Variants in SH3D19 observed in about 807,000 individuals in gnomAD.
SH3D19 encodes SH3 domain-containing protein 19.
SH3D19 carries 58 observed loss-of-function variants against 112.1 expected under a neutral mutation model. The ratio of observed to expected loss-of-function variants is 0.52; its 90% CI spans 0.42 to 0.64. The LOEUF (loss-of-function observed/expected upper bound fraction) is 0.64, where lower values mean the gene tolerates loss of function less well. SH3D19 is among the 30% of genes least tolerant of loss of function. The pLI, the probability that SH3D19 is intolerant of heterozygous loss-of-function variation, is 0.00. For missense variants in SH3D19, 1,090 were observed against 1,263.4 expected (o/e 0.86, Z 2.08); for synonymous variants, 391 against 448.5 (o/e 0.87, Z 1.62).
At chr4:151,168,399 CTTT>C (rs35899876) in intron 7 of SH3D19, among the ~76,000 whole-genome samples, 1 of 45,388 alleles carries the variant, frequency 2.2e-5, no homozygotes, top group African/African-American at 4.0e-5. Flanking sequence ...AGTAGCATTT[CTTT>C]TTTTTTTTTT....
chr4:151,163,852 G>A (rs557836516), intron 8 of SH3D19, among the ~76,000 whole-genome samples: 73 of 152,048 alleles, frequency 4.8e-4, no homozygotes, highest in Middle Eastern at 3.4e-3. Context: ...CAAAGTGCAG[G>A]GATTACAGGT....
intron 1 of SH3D19, among the ~76,000 whole-genome samples, chr4:151,307,213 G>A (rs1231344857): frequency 5.9e-5 from 9 of 151,462 alleles, no homozygotes; most frequent in Non-Finnish European, 1.2e-4. Context: ...TAGTAGAGAC[G>A]GGGTTTCACC....
chr4:151,196,912 C>T (rs1038123903), intron 2 of SH3D19, among the ~76,000 whole-genome samples: 4 of 152,118 alleles, frequency 2.6e-5, no homozygotes, highest in African/African-American at 7.2e-5. Flanking sequence ...CATTAATTAT[C>T]AGAGAAATGC....
intron 1 of SH3D19, among the ~76,000 whole-genome samples, chr4:151,316,096 A>G (rs551865009): frequency 2.0e-5 from 3 of 152,306 alleles, no homozygotes; most frequent in Non-Finnish European, 4.4e-5. Context: ...AATCAAGGTC[A>G]GTAGAAAAGT....
intron 1 of SH3D19, among the ~76,000 whole-genome samples, chr4:151,286,699 G>T (rs1406801076): frequency 6.6e-6 from 1 of 151,422 alleles, no homozygotes; most frequent in Non-Finnish European, 1.5e-5. Context: ...CCCAATTCTG[G>T]CCACAGGCAG....
At chr4:151,148,291 A>T in intron 10 of SH3D19, 105 bp from the exon 11 acceptor site, 1 of 1,115,524 alleles carries the variant, frequency 9.0e-7, no homozygotes, top group Non-Finnish European at 1.3e-6. Flanking sequence ...ACACACACAG[A>T]GACACAGCTT....
At chr4:151,271,556 C>G in intron 1 of SH3D19, among the ~76,000 whole-genome samples, 1 of 152,126 alleles carries the variant, frequency 6.6e-6, no homozygotes, top group East Asian at 1.9e-4. Flanking sequence ...ATTAGGGATG[C>G]TGCTTAATAT....
intron 1 of SH3D19, among the ~76,000 whole-genome samples, chr4:151,311,201 C>T (rs1729428434): frequency 6.7e-6 from 1 of 150,298 alleles, no homozygotes; most frequent in African/African-American, 2.5e-5. Context: ...CCAGCCTGGG[C>T]AACACAGTGA....
intron 2 of SH3D19, among the ~76,000 whole-genome samples, chr4:151,215,213 C>A (rs566172809): frequency 3.3e-5 from 5 of 152,342 alleles, no homozygotes; most frequent in African/African-American, 1.2e-4. Context: ...TGAGCCACCA[C>A]AGCCGGCCTC....
intron 1 of SH3D19, among the ~76,000 whole-genome samples, chr4:151,251,857 T>C (rs1475177038): frequency 1.3e-5 from 2 of 152,190 alleles, no homozygotes; most frequent in Non-Finnish European, 2.9e-5. Flanking sequence ...TCTTAGTTCA[T>C]TCATCTCCCT....
chr4:151,268,002 T>C (rs891365234), intron 1 of SH3D19, among the ~76,000 whole-genome samples: 4 of 152,290 alleles, frequency 2.6e-5, no homozygotes, highest in South Asian at 4.1e-4. Flanking sequence ...GCTAAGTACA[T>C]GACATGTTGC....
intron 1 of SH3D19, chr4:151,279,191 C>T: frequency 3.4e-6 from 1 of 297,700 alleles, no homozygotes; most frequent in Non-Finnish European, 6.4e-6. Context: ...GTCACCAGCA[C>T]ACTAGAGAAA....
intron 1 of SH3D19, among the ~76,000 whole-genome samples, chr4:151,268,386 T>C (rs577278468): frequency 5.3e-5 from 8 of 152,288 alleles, no homozygotes; most frequent in Admixed American, 6.5e-5. Context: ...TAGGACATGA[T>C]AGTACACTAC....
chr4:151,185,215 G>A (rs1008677204), intron 3 of SH3D19, among the ~76,000 whole-genome samples: 1 of 151,924 alleles, frequency 6.6e-6, no homozygotes, highest in Admixed American at 6.6e-5. Flanking sequence ...AAGAAGCCAG[G>A]GAACAAAGTG....
chr4:151,253,740 CA>C (rs10593842), intron 1 of SH3D19, among the ~76,000 whole-genome samples: 64,077 of 139,780 alleles, frequency 0.46, 14,276 homozygotes, highest in Middle Eastern at 0.57. Flanking sequence ...GACTCCGTCT[CA>C]AAAAAAAAAA....
intron 7 of SH3D19, among the ~76,000 whole-genome samples, chr4:151,168,360 A>C (rs1303787211): frequency 2.6e-5 from 4 of 152,044 alleles, no homozygotes; most frequent in Non-Finnish European, 5.9e-5. Context: ...TAGTTCTTCC[A>C]ATAATCATTC....
rs1747824791 is a variant in SH3D19 at position 151,120,445 on chromosome 4, GAT to G, written c.*1644_*1645del. The G allele has an allele frequency of 6.6e-6, 1 of 152,512 alleles. No individual in the cohort carries two copies. The highest frequency in any genetic ancestry group is 1.5e-5 in the Non-Finnish European group (1 of 68,024). 9.4% of individuals were successfully genotyped at this position (152,512 alleles called of 1,614,324 possible). A position where few individuals can be genotyped will look rare whatever the true frequency, so the allele number is the denominator to read the frequency against. ...AAGATGTTAAAATTATAAAGGCAAA[GAT>G]ATATACCTCATGTTCCATTCCATAT... On this transcript the variant is annotated 3_prime_UTR_variant, in exon 20 of 20. Transcript: ENST00000604030.
At chr4:151,259,840 A>G (rs904076819) in intron 1 of SH3D19, among the ~76,000 whole-genome samples, 2 of 152,178 alleles carry the variant, frequency 1.3e-5, no homozygotes, top group Non-Finnish European at 2.9e-5. Flanking sequence ...CATTATCTTG[A>G]TTGAAATGAC....
chr4:151,186,672 T>A (rs970771145), intron 3 of SH3D19, among the ~76,000 whole-genome samples: 1 of 151,880 alleles, frequency 6.6e-6, no homozygotes, highest in Admixed American at 6.6e-5. Flanking sequence ...TGACCTCAGG[T>A]GATCCACCTG....
Sources: allele counts gnomAD v4.1 joint callset (sites outside exome capture counted in the v4.1 genomes callset), GRCh38; gene constraint gnomAD v4.1.1; transcripts MANE v1.5; gene names NCBI Gene and HGNC (gene_info 2026-07-23, HGNC 2026-07-21).